Variants in ELP3 observed in about 807,000 individuals in gnomAD.
The protein encoded by ELP3 is elongator complex protein 3.
ELP3 carries 56 observed loss-of-function variants against 74.9 expected under a neutral mutation model. The observed-to-expected ratio is 0.75, with a 90% confidence interval of 0.60 to 0.93. The LOEUF is 0.93. Ranked by LOEUF, ELP3 falls within the 40% of genes least tolerant of loss-of-function variation. The pLI is 0.00. For missense variants in ELP3, 573 were observed against 686.5 expected, an observed-to-expected ratio of 0.83 and a Z score of 1.85; for synonymous variants, 222 against 239.8, an observed-to-expected ratio of 0.93 and a Z score of 0.68.
chr8:28,188,090 G>T (rs1193846157), intron 14 of ELP3, among the ~76,000 whole-genome samples: 1 of 152,200 alleles, frequency 6.6e-6, no homozygotes, highest in Non-Finnish European at 1.5e-5. Flanking sequence ...GTGCAGAGAG[G>T]GAGGGAAGGA....
chr8:28,162,489 T>C (rs1411027271), intron 14 of ELP3, among the ~76,000 whole-genome samples: 1 of 152,248 alleles, frequency 6.6e-6, no homozygotes, highest in Non-Finnish European at 1.5e-5. Context: ...CAGTACGAGC[T>C]GTTTAAAGGC....
chr8:28,143,625 T>TA (rs1813326714), intron 10 of ELP3, among the ~76,000 whole-genome samples: 1 of 152,220 alleles, frequency 6.6e-6, no homozygotes, highest in Non-Finnish European at 1.5e-5. Context: ...TTGTCTTTTT[T>TA]AGTAAACTGT....
chr8:28,173,919 C>T (rs534133591), intron 14 of ELP3, among the ~76,000 whole-genome samples: 1 of 152,060 alleles, frequency 6.6e-6, no homozygotes, highest in Admixed American at 6.5e-5. Flanking sequence ...CAGTTTCCAT[C>T]TGTTATTCTA....
chr8:28,096,575 C>T (rs1365409148), intron 1 of ELP3, among the ~76,000 whole-genome samples: 3 of 152,214 alleles, frequency 2.0e-5, no homozygotes, highest in Admixed American at 2.0e-4. Context: ...TTGAACTGTG[C>T]TTGAGTGGAT....
At chr8:28,157,289 C>CAAAAA (rs35938340) in intron 11 of ELP3, among the ~76,000 whole-genome samples, 1 of 106,760 alleles carries the variant, frequency 9.4e-6, no homozygotes, top group African/African-American at 3.3e-5. Flanking sequence ...AAAAGCATGC[C>CAAAAA]AAAAAAAAAA....
intron 7 of ELP3, among the ~76,000 whole-genome samples, chr8:28,124,475 T>C (rs966436816): frequency 7.2e-5 from 11 of 152,186 alleles, no homozygotes; most frequent in African/African-American, 2.7e-4. Context: ...ATGAAGAGAA[T>C]TTTTATCTAA....
At chr8:28,171,216 C>T (rs182017249) in intron 14 of ELP3, among the ~76,000 whole-genome samples, 1 of 152,264 alleles carries the variant, frequency 6.6e-6, no homozygotes, top group East Asian at 1.9e-4. Flanking sequence ...ATTGCTGAGT[C>T]AAATTGTAAC....
At chr8:28,148,926 A>G (rs1047691072) in intron 10 of ELP3, among the ~76,000 whole-genome samples, 3 of 152,146 alleles carry the variant, frequency 2.0e-5, no homozygotes, top group Non-Finnish European at 4.4e-5. Flanking sequence ...AGGAGGTGGG[A>G]CCTTTTGGGA....
intron 10 of ELP3, among the ~76,000 whole-genome samples, chr8:28,148,740 C>T (rs1813527932): frequency 6.6e-6 from 1 of 152,170 alleles, no homozygotes; most frequent in African/African-American, 2.4e-5. Context: ...TGATAAATCG[C>T]ACTTGGTTTC....
chr8:28,172,526 G>C (rs1369016095), intron 14 of ELP3, among the ~76,000 whole-genome samples: 1 of 151,984 alleles, frequency 6.6e-6, no homozygotes, highest in Admixed American at 6.5e-5. Context: ...TTGTTTATTA[G>C]CTCCAATAAT....
At chr8:28,173,501 C>G (rs1229937028) in intron 14 of ELP3, among the ~76,000 whole-genome samples, 1 of 151,274 alleles carries the variant, frequency 6.6e-6, no homozygotes, top group Non-Finnish European at 1.5e-5. Context: ...TTAACCCAAT[C>G]TAAGGTAAAC....
intron 2 of ELP3, 100 bp from the exon 3 acceptor site, chr8:28,099,728 G>A: frequency 7.7e-7 from 1 of 1,291,688 alleles, no homozygotes; most frequent in South Asian, 1.2e-5. Flanking sequence ...GAAGGGATTG[G>A]AGAGTGACAG....
At chr8:28,151,568 A>T (rs924018905) in intron 10 of ELP3, among the ~76,000 whole-genome samples, 2 of 152,178 alleles carry the variant, frequency 1.3e-5, no homozygotes, top group African/African-American at 4.8e-5. Flanking sequence ...TAGTAACCCG[A>T]TGGTAAGATG....
At chr8:28,113,402 A>G (rs1289979636) in intron 7 of ELP3, among the ~76,000 whole-genome samples, 1 of 36,622 alleles carries the variant, frequency 2.7e-5, no homozygotes, top group African/African-American at 3.0e-4. Context: ...AAAAATGAAT[A>G]CAGTTTGTTG....
chr8:28,133,879 C>A (rs59321770), intron 9 of ELP3, among the ~76,000 whole-genome samples: 18,749 of 137,362 alleles, frequency 0.14, 1,278 homozygotes, highest in East Asian at 0.33. Flanking sequence ...TAGTATCCTC[C>A]CCTCAGTAAC....
At chr8:28,177,177 A>C (rs1307369349) in intron 14 of ELP3, among the ~76,000 whole-genome samples, 1 of 152,238 alleles carries the variant, frequency 6.6e-6, no homozygotes, top group Admixed American at 6.5e-5. Context: ...TGTTAGTTGC[A>C]ATAACCAGTT....
At chr8:28,158,348 A>G (rs560288891) in intron 11 of ELP3, among the ~76,000 whole-genome samples, 2 of 152,304 alleles carry the variant, frequency 1.3e-5, no homozygotes, top group East Asian at 1.9e-4. Flanking sequence ...GTACTACTTC[A>G]TACATTCCTA....
chr8:28,128,993 A>G (rs1263846538), intron 7 of ELP3, among the ~76,000 whole-genome samples: 4 of 152,220 alleles, frequency 2.6e-5, no homozygotes, highest in African/African-American at 4.8e-5. Context: ...GTGTATATAG[A>G]AGACATTTCA....
Position 28,097,248 on chromosome 8 carries a change from C to T in ELP3, c.49C>T (p.Leu17=). ...GDLSPAELMM[L]TIGDVIKQLI... ...TCTCAGCCCTGCTGAGCTGATGATG[C>T]TGACTATAGGAGATGTTATTAAACA... is the stretch of plus-strand genomic sequence containing the variant. The change falls in exon 2 of 15, where the codon CTG becomes TTG. Residue 17 remains leucine (L), a synonymous_variant. Coordinates refer to ENST00000256398, the MANE Select transcript of ELP3 (RefSeq NM_018091.6). The T allele has an allele frequency of 6.2e-7, 1 of 1,613,232 alleles. No individual in the cohort carries two copies.
Sources: gnomAD v4.1 joint callset for allele counts (sites outside exome capture counted in the v4.1 genomes callset) on GRCh38, gnomAD v4.1.1 for gene constraint, MANE v1.5 for transcripts, NCBI Gene and HGNC (gene_info 2026-07-23, HGNC 2026-07-21) for gene names.